The following NFYC variants were observed in gnomAD, a reference collection of about 807,000 sequenced individuals.
NFYC encodes CAAT box DNA-binding protein subunit C.
Under a neutral mutation model 53.1 loss-of-function variants are expected in NFYC, and 25 were observed. The observed-to-expected ratio is 0.47, with a 90% CI of 0.34 to 0.66. The LOEUF (loss-of-function observed/expected upper bound fraction) is 0.66, where lower values mean the gene tolerates loss of function less well. Among genes scored for constraint, NFYC ranks in the 30% least tolerant of loss-of-function variants. The pLI is 0.01. For synonymous variants in NFYC, 145 were observed against 152.6 expected, an observed-to-expected ratio of 0.95 and a Z score of 0.37; for missense variants, 260 against 422.7, an observed-to-expected ratio of 0.62 and a Z score of 3.38.
chr1:40,724,090 C>A (rs1383512245), intron 1 of NFYC, among the ~76,000 whole-genome samples: 1 of 152,160 alleles, frequency 6.6e-6, no homozygotes, highest in Non-Finnish European at 1.5e-5. Context: ...TAATTAGGGG[C>A]TGGACATGGT....
rs576715157 is a variant in NFYC at position 40,730,462 on chromosome 1, G to T, written c.-8-8374G>T. ...GTCTCAGGTAATAGGGAGGCCCGAG[G>T]TGGGAATGGCCAGTTGGTAGAGCAG... On this transcript the variant is annotated intron_variant, in intron 1 of 9. Coordinates refer to ENST00000447388, the MANE Select transcript of NFYC (RefSeq NM_014223.5). 124 of 617,264 alleles carry T rather than the reference G, an allele frequency of 2.0e-4. 1 individual carries two copies. The African/African-American group carries it at 2.4e-3, about 12-fold the overall frequency. 38.2% of individuals were successfully genotyped at this position (617,264 alleles called of 1,614,324 possible). A position where few individuals can be genotyped will look rare whatever the true frequency, so the allele number is the denominator to read the frequency against.
In NFYC at chr1:40,713,863, A is replaced by G. The variant is rs148585379; in HGVS notation, c.-9+21996A>G. Among the ~76,000 whole-genome samples the G allele has an allele frequency of 9.5e-3, 1,446 of 152,340 alleles. 16 individuals are homozygous for G. The highest frequency in any genetic ancestry group is 0.02 in the Middle Eastern group (6 of 294). ...CTTGCTGTTTGGGTATAGAAGGAAC[A>G]GAGAAAATGTGCCATGGAAGAGGTT... On this transcript the variant is annotated intron_variant, in intron 1 of 9. Coordinates refer to ENST00000447388, the MANE Select transcript of NFYC (RefSeq NM_014223.5).
chr1:40,725,148 G>C (rs950426038), intron 1 of NFYC, among the ~76,000 whole-genome samples: 15 of 152,184 alleles, frequency 9.9e-5, no homozygotes, highest in African/African-American at 3.4e-4. Context: ...TAAACGTAGT[G>C]CCTGAACTTA....
intron 8 of NFYC, among the ~76,000 whole-genome samples, chr1:40,767,445 C>T (rs1055618018): frequency 4.6e-5 from 7 of 152,224 alleles, no homozygotes; most frequent in Non-Finnish European, 7.4e-5. Context: ...TGGGAAAATA[C>T]GAGGAATGAG....
chr1:40,696,354 T>G (rs990267665), intron 1 of NFYC, among the ~76,000 whole-genome samples: 1 of 152,184 alleles, frequency 6.6e-6, no homozygotes, highest in African/African-American at 2.4e-5. Context: ...CTTATGTAAA[T>G]GAAGCCCTTA....
At chr1:40,745,947 G>A (rs1381417398) in intron 2 of NFYC, among the ~76,000 whole-genome samples, 1 of 152,018 alleles carries the variant, frequency 6.6e-6, no homozygotes, top group Non-Finnish European at 1.5e-5. Flanking sequence ...GGCCTCAAGC[G>A]ATTCTCCCAT....
chr1:40,732,173 C>T (rs1310359399), intron 1 of NFYC, among the ~76,000 whole-genome samples: 1 of 152,130 alleles, frequency 6.6e-6, no homozygotes, highest in East Asian at 1.9e-4. Context: ...TTAGTTACCT[C>T]AAAGAGCTGT....
chr1:40,727,551 G>A (rs1242978877), intron 1 of NFYC, among the ~76,000 whole-genome samples: 2 of 104,326 alleles, frequency 1.9e-5, no homozygotes, highest in Admixed American at 2.4e-4. Context: ...TTTTTTTTGA[G>A]ACAAAGTCTT....
At chr1:40,700,175 G>A (rs1368921714) in intron 1 of NFYC, among the ~76,000 whole-genome samples, 1 of 152,176 alleles carries the variant, frequency 6.6e-6, no homozygotes, top group Non-Finnish European at 1.5e-5. Context: ...TCTTAAGGAT[G>A]AATGTGATTT....
chr1:40,753,665 C>G (rs1353120539), intron 5 of NFYC, among the ~76,000 whole-genome samples: 1 of 152,090 alleles, frequency 6.6e-6, no homozygotes, highest in Admixed American at 6.5e-5. Context: ...TATTGTGGTT[C>G]ATTATATCTT....
intron 2 of NFYC, among the ~76,000 whole-genome samples, chr1:40,745,982 T>A (rs962018137): frequency 6.6e-6 from 1 of 152,138 alleles, no homozygotes. Flanking sequence ...GTGCTGGGAT[T>A]ACAGGCATGA....
At chr1:40,740,784 G>T (rs907883746) in intron 2 of NFYC, among the ~76,000 whole-genome samples, 1 of 152,176 alleles carries the variant, frequency 6.6e-6, no homozygotes, top group Non-Finnish European at 1.5e-5. Flanking sequence ...CTGTCCTGGG[G>T]TGTGGTGGGA....
intron 1 of NFYC, chr1:40,695,748 A>G (rs1318241735): frequency 1.3e-5 from 2 of 152,134 alleles, no homozygotes; most frequent in Admixed American, 1.3e-4. Context: ...TTTTTGAGGT[A>G]ATTTTGAAAT....
intron 5 of NFYC, 59 bp from the exon 6 acceptor site, chr1:40,758,062 C>A: frequency 6.3e-7 from 1 of 1,588,758 alleles, no homozygotes; most frequent in Non-Finnish European, 8.6e-7. Context: ...TGGAAATTCA[C>A]TGTGGCGGCT....
chr1:40,700,673 C>T (rs1206945655), intron 1 of NFYC, among the ~76,000 whole-genome samples: 1 of 152,102 alleles, frequency 6.6e-6, no homozygotes, highest in Non-Finnish European at 1.5e-5. Flanking sequence ...GATGGAGTCT[C>T]ACTCTATGAG....
intron 1 of NFYC, among the ~76,000 whole-genome samples, chr1:40,706,158 G>A (rs915051628): frequency 2.0e-5 from 3 of 151,948 alleles, no homozygotes; most frequent in Non-Finnish European, 2.9e-5. Context: ...CCATGTCTTG[G>A]TAAGCAGTGT....
chr1:40,697,885 C>G (rs1557727672), intron 1 of NFYC, among the ~76,000 whole-genome samples: 1 of 152,216 alleles, frequency 6.6e-6, no homozygotes, highest in Non-Finnish European at 1.5e-5. Context: ...CACCTGTACT[C>G]ATTTTCAGTA....
chr1:40,718,561 T>C (rs1644222014), intron 1 of NFYC, among the ~76,000 whole-genome samples: 1 of 152,216 alleles, frequency 6.6e-6, no homozygotes, highest in Non-Finnish European at 1.5e-5. Context: ...TTTAAAGTGT[T>C]TGTTAAAATA....
intron 5 of NFYC, among the ~76,000 whole-genome samples, chr1:40,756,991 G>A (rs1017624034): frequency 6.6e-6 from 1 of 152,198 alleles, no homozygotes; most frequent in African/African-American, 2.4e-5. Flanking sequence ...TGGGGATGGG[G>A]TCAATACCAG....
Sources: gnomAD v4.1 joint callset for allele counts (sites outside exome capture counted in the v4.1 genomes callset) on GRCh38, gnomAD v4.1.1 for gene constraint, MANE v1.5 for transcripts, NCBI Gene and HGNC (gene_info 2026-07-23, HGNC 2026-07-21) for gene names.